The following ITGBL1 variants were observed in gnomAD, a reference collection of about 807,000 sequenced individuals.
The protein encoded by ITGBL1 is integrin subunit beta like 1.
In ITGBL1, 51 loss-of-function variants were observed where a neutral mutation model predicts 68.5. The observed-to-expected ratio is 0.74, with a 90% CI of 0.59 to 0.94. ITGBL1 has a LOEUF of 0.94. ITGBL1 is among the 40% of genes least tolerant of loss of function. The pLI is 0.00. For synonymous variants in ITGBL1, 209 were observed against 227.3 expected (o/e 0.92, Z 0.72); for missense variants, 649 against 647.4 (o/e 1.00, Z -0.03).
At chr13:101,661,697 C>G (rs2033094217) in intron 7 of ITGBL1, among the ~76,000 whole-genome samples, 1 of 152,038 alleles carries the variant, frequency 6.6e-6, no homozygotes, top group Admixed American at 6.6e-5. Flanking sequence ...CAGAATGTGA[C>G]AATTACTAAA....
chr13:101,454,064 TG>T lies in ITGBL1; in HGVS notation c.283del (p.Val95CysfsTer40). 2 of 1,589,270 alleles carry T rather than the reference TG, an allele frequency of 1.3e-6. No homozygotes were observed. Among genetic ancestry groups the T allele is most frequent in the Non-Finnish European group, 8.6e-7 (1 of 1,168,128 alleles). On this transcript the variant is annotated frameshift_variant, in exon 2 of 11. Coordinates refer to ENST00000376180, the MANE Select transcript of ITGBL1 (RefSeq NM_004791.3). LOFTEE classifies it high-confidence loss of function. Reference protein sequence around the residue: ...FFGPLCECHEWVCETYDGSTC... With the variant: ...FFGPLCECHEXVCETYDGSTC... The stretch of plus-strand genomic sequence containing the variant: ...CGGGCCCCTGTGTGAGTGCCATGAG[TG>T]GGTGTGCGAGACCTACGACGGGAGC...
At chr13:101,660,270 C>T (rs777743943) in intron 7 of ITGBL1, among the ~76,000 whole-genome samples, 17 of 152,010 alleles carry the variant, frequency 1.1e-4, no homozygotes, top group Admixed American at 3.9e-4. Flanking sequence ...GGATAGGGGC[C>T]CAGGGAGTGG....
At chr13:101,715,092 A>G (rs1469854) in intron 10 of ITGBL1, 25,401 of 168,270 alleles carry the variant, frequency 0.15, 2,398 homozygotes, top group East Asian at 0.43. Flanking sequence ...AGAGACATGT[A>G]TACTTCTCCT....
intron 2 of ITGBL1, among the ~76,000 whole-genome samples, chr13:101,476,127 A>G (rs2139651182): frequency 6.6e-6 from 1 of 152,282 alleles, no homozygotes; most frequent in East Asian, 1.9e-4. Flanking sequence ...TATCAAAAAT[A>G]ATAACTCCAA....
chr13:101,532,648 T>C (rs559801910), intron 2 of ITGBL1, among the ~76,000 whole-genome samples: 6 of 152,330 alleles, frequency 3.9e-5, no homozygotes, highest in Admixed American at 2.0e-4. Flanking sequence ...AATTATCAAA[T>C]GAAACTGTAC....
At chr13:101,484,058 GT>G (rs966663996) in intron 2 of ITGBL1, among the ~76,000 whole-genome samples, 10 of 149,386 alleles carry the variant, frequency 6.7e-5, no homozygotes, top group Non-Finnish European at 1.0e-4. Context: ...GGCATATTTG[GT>G]TTTTTTTTCC....
intron 7 of ITGBL1, among the ~76,000 whole-genome samples, chr13:101,605,582 G>A (rs1168163989): frequency 6.6e-6 from 1 of 150,846 alleles, no homozygotes; most frequent in Non-Finnish European, 1.5e-5. Flanking sequence ...ATATATACAC[G>A]TATTTAGACA....
At chr13:101,507,287 C>T (rs2049041641) in intron 2 of ITGBL1, among the ~76,000 whole-genome samples, 1 of 152,284 alleles carries the variant, frequency 6.6e-6, no homozygotes, top group South Asian at 2.1e-4. Flanking sequence ...TTTACCCCGG[C>T]ACCAAGGACA....
chr13:101,695,480 G>A (rs1012229224), intron 8 of ITGBL1, among the ~76,000 whole-genome samples: 2 of 152,194 alleles, frequency 1.3e-5, no homozygotes, highest in Non-Finnish European at 2.9e-5. Flanking sequence ...ACCAAAGGAA[G>A]GGCTTAAACA....
At chr13:101,632,284 T>G (rs757907965) in intron 7 of ITGBL1, among the ~76,000 whole-genome samples, 6 of 152,164 alleles carry the variant, frequency 3.9e-5, no homozygotes, top group Non-Finnish European at 7.4e-5. Context: ...AGGTATATGC[T>G]TGGCTAGTAA....
chr13:101,543,761 T>C (rs1453518173), intron 2 of ITGBL1, among the ~76,000 whole-genome samples: 1 of 152,228 alleles, frequency 6.6e-6, no homozygotes, highest in Non-Finnish European at 1.5e-5. Flanking sequence ...TCATTTCTTT[T>C]AATTCTTTTT....
rs954673673 is a variant in ITGBL1 at position 101,715,848 on chromosome 13, G to GA, written c.*202dup. The GA allele has an allele frequency of 6.4e-5, 29 of 453,588 alleles. No homozygotes were observed. Among genetic ancestry groups the GA allele is most frequent in the African/African-American group, 1.0e-4 (5 of 49,638 alleles). The allele number at this position is 453,588 out of a possible 1,614,324, so 28.1% of individuals were successfully genotyped here. ...GCAAATTTAGATGCAAATAACATTA[G>GA]AAAAAAAAGATTCTTCCATAATTAA... On this transcript the variant is annotated 3_prime_UTR_variant, in exon 11 of 11. Transcript: ENST00000376180.
chr13:101,579,509 C>A, intron 5 of ITGBL1, 82 bp downstream of exon 5: 1 of 1,418,352 alleles, frequency 7.1e-7, no homozygotes, highest in Non-Finnish European at 9.6e-7. Context: ...TTTGTATTTC[C>A]TCTAGTGTGG....
intron 9 of ITGBL1, among the ~76,000 whole-genome samples, chr13:101,708,007 C>T (rs1250478894): frequency 6.7e-6 from 1 of 149,970 alleles, no homozygotes; most frequent in Non-Finnish European, 1.5e-5. Flanking sequence ...TTCTCCATCT[C>T]CCATCCTACA....
At chr13:101,718,863 A>G (rs1447702143), downstream of ITGBL1, 1 of 151,980 alleles carries the variant, frequency 6.6e-6, no homozygotes, top group Non-Finnish European at 1.5e-5. Flanking sequence ...CTCCATATTC[A>G]AGAGAGTCAA....
chr13:101,671,440 T>TG (rs1189972570), intron 7 of ITGBL1, among the ~76,000 whole-genome samples: 1,256 of 93,794 alleles, frequency 0.013, 69 homozygotes, highest in South Asian at 0.033. Context: ...TTTTTTTGTT[T>TG]TTTTTTGTTT....
At chr13:101,563,109 A>G (rs2050127156) in intron 2 of ITGBL1, among the ~76,000 whole-genome samples, 1 of 151,308 alleles carries the variant, frequency 6.6e-6, no homozygotes, top group Non-Finnish European at 1.5e-5. Context: ...CTGAATGAAA[A>G]TAAAATATAA....
At chr13:101,705,059 C>T (rs1232776700) in intron 8 of ITGBL1, among the ~76,000 whole-genome samples, 1 of 151,974 alleles carries the variant, frequency 6.6e-6, no homozygotes, top group Non-Finnish European at 1.5e-5. Flanking sequence ...ATTTAGTAGT[C>T]CCCCATTCGT....
At chr13:101,653,814 G>A (rs1025802021) in intron 7 of ITGBL1, among the ~76,000 whole-genome samples, 8 of 150,380 alleles carry the variant, frequency 5.3e-5, no homozygotes, top group Non-Finnish European at 7.4e-5. Flanking sequence ...TCAGACTCCC[G>A]AGTAGCTGGG....
Sources: allele counts gnomAD v4.1 joint callset (sites outside exome capture counted in the v4.1 genomes callset), GRCh38; gene constraint gnomAD v4.1.1; transcripts MANE v1.5; gene names NCBI Gene and HGNC (gene_info 2026-07-23, HGNC 2026-07-21).